SRCAP: variants seen among roughly 807,000 people sequenced by gnomAD.
SRCAP encodes Snf2 related CREBBP activator protein.
Under a neutral mutation model 263.1 loss-of-function variants are expected in SRCAP, and 46 were observed. The observed-to-expected ratio is 0.17, with a 90% confidence interval of 0.14 to 0.22. The LOEUF (loss-of-function observed/expected upper bound fraction) is 0.22, where lower values mean the gene tolerates loss of function less well. Among genes scored for constraint, SRCAP ranks in the 10% least tolerant of loss-of-function variants. The pLI, the probability that SRCAP is intolerant of heterozygous loss-of-function variation, is 1.00. For synonymous variants in SRCAP, 1,813 were observed against 1,662.1 expected (o/e 1.09, Z -2.21); for missense variants, 3,695 against 4,181.9 (o/e 0.88, Z 3.21).
In SRCAP at chr16:30,739,441, A is replaced by G; in HGVS notation, c.9401A>G (p.Glu3134Gly). 6.2e-7 allele frequency: 1 copy of G among 1,614,186 alleles called. No individual in the cohort carries two copies. Among genetic ancestry groups the G allele is most frequent in the Non-Finnish European group, 8.5e-7 (1 of 1,180,024 alleles). The change falls in exon 34 of 34, where the codon GAG (glutamate) becomes GGG (glycine). Residue 3134 changes from glutamate to glycine, a missense_variant. Coordinates refer to ENST00000262518, the MANE Select transcript of SRCAP (RefSeq NM_006662.3). ...TCTCTAGTCCCCCCACTAGAGACTGAGAAGTTGCCTCGCAAACGAGCAGGG... is the reference window on the plus strand; with the variant it reads ...TCTCTAGTCCCCCCACTAGAGACTGGGAAGTTGCCTCGCAAACGAGCAGGG... ...PGSLVPPLET[E>G]KLPRKRAGAP...
At chr16:30,728,902 AC>A (rs777046855) in intron 25 of SRCAP, 63 bp from the exon 26 acceptor site, 5 of 1,515,894 alleles carry the variant, frequency 3.3e-6, no homozygotes, top group Non-Finnish European at 4.4e-6. Context: ...TCTGGGAAGA[AC>A]AGTCAGGTTT....
At chr16:30,702,039 C>T (rs1429822352) in intron 3 of SRCAP, among the ~76,000 whole-genome samples, 6 of 151,952 alleles carry the variant, frequency 3.9e-5, no homozygotes, top group Admixed American at 1.3e-4. Flanking sequence ...CTGCAACCTC[C>T]GCCTCCCGGG....
intron 6 of SRCAP, among the ~76,000 whole-genome samples, chr16:30,708,605 G>C (rs1033853483): frequency 3.9e-5 from 6 of 152,018 alleles, no homozygotes; most frequent in African/African-American, 1.5e-4. Context: ...TGTTGGCCAG[G>C]CTGGTCTTGA....
At chr16:30,712,234 T>A in intron 12 of SRCAP, 28 bp from the exon 13 acceptor site, 1 of 1,593,718 alleles carries the variant, frequency 6.3e-7, no homozygotes, top group Non-Finnish European at 8.6e-7. Context: ...TCATTTCCAT[T>A]GTGTTACCTA....
Position 30,710,092 on chromosome 16 carries a change from A to C in SRCAP, c.1098A>C (p.Glu366Asp), listed in dbSNP as rs749346607. 1 of 1,614,020 alleles carries C rather than the reference A, an allele frequency of 6.2e-7. No individual in the cohort carries two copies. Among genetic ancestry groups the C allele is most frequent in the African/African-American group, 1.3e-5 (1 of 74,916 alleles). ...SHDSDTRDGPEEGAEEEPPQV... is the reference protein window; with the variant it reads ...SHDSDTRDGPDEGAEEEPPQV... ...ATAGTGACACCCGAGATGGGCCTGA[A>C]GAAGGTGCTGAAGAAGAGCCCCCTC... The change falls in exon 8 of 34, where the codon GAA becomes GAC. Residue 366 changes from glutamate (E) to aspartate (D), a missense_variant. Physicochemically the swap from Glu to Asp is conservative, Grantham distance 45. Around this residue, in one of 12 missense-constraint regions of SRCAP, gnomAD observed 288 missense variants for 302.4 expected, o/e 0.95. Coordinates refer to ENST00000262518, the MANE Select transcript of SRCAP (RefSeq NM_006662.3).
rs766931053 is a variant in SRCAP at position 30,721,267 on chromosome 16, C to A, written c.3332C>A (p.Pro1111His). Reference sequence around the variant, plus strand: ...ACCTTGTCCCTAAAGCCAACACCACCTGCCCCAGTTCGCCTGAGCCCAGCC... The same window carrying A: ...ACCTTGTCCCTAAAGCCAACACCACATGCCCCAGTTCGCCTGAGCCCAGCC... ...TPTLSLKPTPPAPVRLSPAPP... is the reference protein window; with the variant it reads ...TPTLSLKPTPHAPVRLSPAPP... The change falls in exon 21 of 34, where the codon CCT becomes CAT. Residue 1111 changes from proline to histidine, a missense_variant. Physicochemically the swap from Pro to His is moderately conservative, Grantham distance 77. This residue lies in a region of SRCAP where 1,347 missense variants were observed against 1,304.4 expected (regional missense o/e 1.03). Transcript: ENST00000262518. 6.2e-6 allele frequency: 10 copies of A among 1,614,066 alleles called. No individual in the cohort carries two copies.
In SRCAP at chr16:30,712,035, G is replaced by A. The variant is rs2151288555; in HGVS notation, c.1693G>A (p.Asp565Asn). 14 of 1,614,090 alleles carry A rather than the reference G, an allele frequency of 8.7e-6. No individual in the cohort carries two copies. Among genetic ancestry groups the A allele is most frequent in the Non-Finnish European group, 1.2e-5 (14 of 1,180,022 alleles). Reference sequence around the variant, plus strand: ...CAGGGATGAAGAGCAGAGTGAGGCAGATGCAGGCAGTGGGCCTCCTACTCC... The same window carrying A: ...CAGGGATGAAGAGCAGAGTGAGGCAAATGCAGGCAGTGGGCCTCCTACTCC... The part of the protein sequence containing the change: ...LARDEEQSEA[D>N]AGSGPPTPGP... The change falls in exon 12 of 34, where the codon GAT becomes AAT. Residue 565 changes from aspartate to asparagine, a missense_variant. Coordinates refer to ENST00000262518, the MANE Select transcript of SRCAP (RefSeq NM_006662.3).
rs141458112 is a variant in SRCAP, at chr16:30,740,274, C to A, written c.*541C>A. The A allele has an allele frequency of 1.3e-5, 2 of 152,550 alleles. No individual in the cohort carries two copies. The highest frequency in any genetic ancestry group is 4.8e-5 in the African/African-American group (2 of 41,494). The allele number at this position is 152,550 out of a possible 1,614,324, so 9.4% of individuals were successfully genotyped here. On this transcript the variant is annotated 3_prime_UTR_variant, in exon 34 of 34. Transcript: ENST00000262518. ...ACTATATGTTCCAGGCAGAAATCTA[C>A]CCAAGAAGAGGGAAGATTGGTGAAT...
chr16:30,721,916 T>C (rs2053015390), intron 21 of SRCAP, among the ~76,000 whole-genome samples: 1 of 152,118 alleles, frequency 6.6e-6, no homozygotes, highest in Non-Finnish European at 1.5e-5. Flanking sequence ...TAAAAGAGAT[T>C]GCTAAGCAAA....
At chr16:30,737,020 C>G in intron 33 of SRCAP, 29 bp from the exon 34 acceptor site, 2 of 1,549,298 alleles carry the variant, frequency 1.3e-6, no homozygotes, top group Non-Finnish European at 1.7e-6. Flanking sequence ...TTGCCTCCTC[C>G]TGACCACTTT....
chr16:30,722,602 A>G lies in SRCAP; in HGVS notation c.3746A>G (p.His1249Arg), dbSNP rs1353441236. 1.2e-6 allele frequency: 2 copies of G among 1,614,034 alleles called. No individual in the cohort carries two copies. The highest frequency in any genetic ancestry group is 1.3e-5 in the African/African-American group (1 of 74,976). Residue 1249 changes from histidine to arginine, a missense_variant, in exon 23 of 34, where the codon CAT becomes CGT. Coordinates refer to ENST00000262518, the MANE Select transcript of SRCAP (RefSeq NM_006662.3). The stretch of plus-strand genomic sequence containing the variant: ...CTCGTGTCAGCAGGGGGGCAGCACC[A>G]TCTCATCAGCCAGCCTGCCCATGTG... ...VHLVSAGGQH[H>R]LISQPAHVAL... is the part of the protein sequence containing the mutation.
Position 30,733,795 on chromosome 16 carries a change from A to G in SRCAP, c.6491A>G (p.Tyr2164Cys). The G allele has an allele frequency of 6.2e-7, 1 of 1,613,256 alleles. No individual in the cohort carries two copies. The highest frequency in any genetic ancestry group is 2.2e-5 in the East Asian group (1 of 44,866). The change falls in exon 29 of 34, where the codon TAT becomes TGT. Residue 2164 changes from tyrosine (Y) to cysteine (C), a missense_variant. By Grantham distance (194) the Tyr-to-Cys change is radical. Coordinates refer to ENST00000262518, the MANE Select transcript of SRCAP (RefSeq NM_006662.3). The surrounding 1 kb of genome is among the most constrained non-coding windows in gnomAD (Gnocchi z 5.3). Reference sequence around the variant, plus strand: ...GGCCAGACCCGGGATGTCCACATATATAGGTATTGCCTAGTCTTCCCTCAC... The same window carrying G: ...GGCCAGACCCGGGATGTCCACATATGTAGGTATTGCCTAGTCTTCCCTCAC... ...RIGQTRDVHI[Y>C]RLISERTVEE...
rs761767260 is a variant in SRCAP, at chr16:30,734,618, A to G, written c.6729+3A>G. On this transcript the variant is annotated splice_donor_region_variant and intron_variant, in intron 31 of 33. Coordinates refer to ENST00000262518, the MANE Select transcript of SRCAP (RefSeq NM_006662.3). ...AGCAGACTCATATTCTGGAGCAGGT[A>G]AAAAAAGAGTGGGCAGTTCGTAAAG... 4 of 1,613,708 alleles carry G rather than the reference A, an allele frequency of 2.5e-6. No homozygotes were observed. Among genetic ancestry groups the G allele is most frequent in the Admixed American group, 3.3e-5 (2 of 59,956 alleles).
At chr16:30,704,029 G>C (rs1414406527) in intron 3 of SRCAP, 35 bp from the exon 4 acceptor site, 1 of 1,591,606 alleles carries the variant, frequency 6.3e-7, no homozygotes, top group East Asian at 2.2e-5. Context: ...ACAGTGCGAA[G>C]CATTTATTTT....
intron 18 of SRCAP, among the ~76,000 whole-genome samples, chr16:30,718,418 C>G (rs141659187): frequency 0.025 from 3,793 of 151,464 alleles, 72 homozygotes; most frequent in Non-Finnish European, 0.041. Flanking sequence ...CTCAGGTGAT[C>G]TGTCCACCTC....
rs765755085 is a variant in SRCAP at position 30,709,630 on chromosome 16, C to T, written c.751C>T (p.Leu251Phe). ...EKYSDLLSQSLNQPLTSSKAG... is the reference protein window; with the variant it reads ...EKYSDLLSQSFNQPLTSSKAG... ...GTACTCGGACCTTCTGTCTCAGAGCCTCAACCAGCCATTAACCTCCAGCAA... is the reference window on the plus strand; with the variant it reads ...GTACTCGGACCTTCTGTCTCAGAGCTTCAACCAGCCATTAACCTCCAGCAA... The change falls in exon 7 of 34, where the codon CTC (leucine) becomes TTC (phenylalanine). Residue 251 changes from leucine to phenylalanine, a missense_variant. Coordinates refer to ENST00000262518, the MANE Select transcript of SRCAP (RefSeq NM_006662.3). The T allele has an allele frequency of 6.2e-7, 1 of 1,614,184 alleles. No homozygotes were observed. Among genetic ancestry groups the T allele is most frequent in the Admixed American group, 1.7e-5 (1 of 60,018 alleles).
intron 18 of SRCAP, among the ~76,000 whole-genome samples, chr16:30,717,416 A>G (rs906538484): frequency 3.3e-5 from 5 of 151,580 alleles, no homozygotes; most frequent in Non-Finnish European, 7.4e-5. Flanking sequence ...CGCTATGTTG[A>G]TAGTGTTTTT....
rs768212488 is a variant in SRCAP, at chr16:30,712,476, T to G, written c.1993+37T>G. 11 of 1,540,786 alleles carry G rather than the reference T, an allele frequency of 7.1e-6. No individual in the cohort carries two copies. The Admixed American group carries it at 2.3e-4, about 33-fold the overall frequency. On this transcript the variant is annotated intron_variant, in intron 13 of 33. Transcript: ENST00000262518. ...AGGCCCCTTCTTTTGTTCCCCCTAG[T>G]CTAGCTCCCTGGGAGCTTGTTCAGT... is the stretch of plus-strand genomic sequence containing the variant.
At chr16:30,704,412 T>C (rs994899474) in intron 4 of SRCAP, 97 bp downstream of exon 4, 2 of 1,453,716 alleles carry the variant, frequency 1.4e-6, no homozygotes, top group Non-Finnish European at 1.9e-6. Context: ...TTTTTTGTCA[T>C]GGATTTAGGG....
Sources: allele counts gnomAD v4.1 joint callset (sites outside exome capture counted in the v4.1 genomes callset), GRCh38; gene constraint gnomAD v4.1.1; regional missense constraint gnomAD v4.1.1; non-coding constraint Gnocchi (gnomAD v3.1); transcripts MANE v1.5; gene names NCBI Gene and HGNC (gene_info 2026-07-23, HGNC 2026-07-21).